ZNF718: variants seen among roughly 807,000 people sequenced by gnomAD.
The protein encoded by ZNF718 is zinc finger protein 718.
A neutral mutation model predicts 2.6 loss-of-function variants in ZNF718; 3 were observed. That is an observed-to-expected ratio of 1.16 (90% CI 0.53 to 3.01). The LOEUF (loss-of-function observed/expected upper bound fraction) is 3.01. Ranked by LOEUF, ZNF718 falls within the 30% of genes most tolerant of loss-of-function variation. The pLI is 0.03. For synonymous variants in ZNF718, 135 were observed against 77.9 expected (o/e 1.73, Z -3.86); for missense variants, 468 against 230.0 (o/e 2.03, Z -6.69).
intron 3 of ZNF718, among the ~76,000 whole-genome samples, chr4:176,225 A>C (rs1032055730): frequency 1.3e-5 from 2 of 152,132 alleles, no homozygotes; most frequent in African/African-American, 4.8e-5. Flanking sequence ...TCAGGGTAAA[A>C]ATGGCCTACT....
At position 163,311 on chromosome 4, in the gene ZNF718, C is replaced by G. The variant is rs905992876; in HGVS notation, c.*1189C>G. On this transcript the variant is annotated 3_prime_UTR_variant, in exon 4 of 4. Transcript: ENST00000510175. Reference sequence around the variant, plus strand: ...TCACGCCATTCTCCTGCCTCAGCCTCCCAAGTAGCTGGGACTACAGGCGCC... The same window carrying G: ...TCACGCCATTCTCCTGCCTCAGCCTGCCAAGTAGCTGGGACTACAGGCGCC... 6.6e-6 allele frequency: 1 copy of G among 151,848 alleles called. No homozygotes were observed. Among genetic ancestry groups the G allele is most frequent in the African/African-American group, 2.4e-5 (1 of 41,400 alleles). The allele number at this position is 151,848 out of a possible 1,614,324, so 9.4% of individuals were successfully genotyped here.
chr4:195,762 GCTGT>G (rs1470244832), intron 3 of ZNF718, among the ~76,000 whole-genome samples: 1 of 152,244 alleles, frequency 6.6e-6, no homozygotes, highest in African/African-American at 2.4e-5. Context: ...AAGTCTACGG[GCTGT>G]CAGTGGTCTC....
intron 3 of ZNF718, among the ~76,000 whole-genome samples, chr4:153,603 G>C (rs1475951471): frequency 6.6e-6 from 1 of 151,894 alleles, no homozygotes; most frequent in South Asian, 2.1e-4. Flanking sequence ...AGTGTAGAGT[G>C]TTCAGCTTTT....
At chr4:159,701 G>T (rs1329375991) in intron 3 of ZNF718, among the ~76,000 whole-genome samples, 2 of 151,772 alleles carry the variant, frequency 1.3e-5, no homozygotes, top group Non-Finnish European at 2.9e-5. Context: ...TTTATAAATT[G>T]TATATGTTTC....
intron 3 of ZNF718, among the ~76,000 whole-genome samples, chr4:160,025 T>C (rs1275456699): frequency 6.6e-6 from 1 of 152,220 alleles, no homozygotes; most frequent in Non-Finnish European, 1.5e-5. Context: ...AGTTTGTTCA[T>C]GTTTCTTCTT....
In ZNF718 at chr4:127,878, C is replaced by G. The variant is rs1715273547; in HGVS notation, c.4-2910C>G. Among the ~76,000 whole-genome samples the G allele has an allele frequency of 5.7e-5, 6 of 105,192 alleles. 3 individuals are homozygous for G. In the South Asian group the frequency reaches 1.7e-3, roughly 31 times the overall value. 69.0% of individuals were successfully genotyped at this position (105,192 alleles called of 152,430 possible). On this transcript the variant is annotated intron_variant, in intron 1 of 3. Coordinates refer to ENST00000510175, the MANE Select transcript of ZNF718 (RefSeq NM_001039127.6). ...ATAAGAATTCCTGACAACTTTCTAT[C>G]CTGCCTTCCTTTTTGCCTTTACAAA...
intron 3 of ZNF718, among the ~76,000 whole-genome samples, chr4:158,589 G>C (rs1169267639): frequency 2.0e-5 from 3 of 151,536 alleles, no homozygotes; most frequent in African/African-American, 7.3e-5. Flanking sequence ...TTTTAAACTG[G>C]TAAGAACTTA....
In ZNF718 at chr4:155,971, C is replaced by T. The variant is rs1234887673; in HGVS notation, c.227-4941C>T. ...ATACTGTTTTTACAGTAGTGAATGA[C>T]TCATGAGACCTGATGGTTTTTATAA... On this transcript the variant is annotated intron_variant, in intron 3 of 3. Coordinates refer to ENST00000510175, the MANE Select transcript of ZNF718 (RefSeq NM_001039127.6). 2.6e-5 allele frequency among the ~76,000 whole-genome samples: 4 copies of T among 152,110 alleles called. 1 individual carries two copies. Among genetic ancestry groups the T allele is most frequent in the Non-Finnish European group, 5.9e-5 (4 of 68,014 alleles).
chr4:157,238 C>CA (rs1560119767), intron 3 of ZNF718, among the ~76,000 whole-genome samples: 1 of 150,756 alleles, frequency 6.6e-6, no homozygotes, highest in Non-Finnish European at 1.5e-5. Flanking sequence ...TCAGCCTCCT[C>CA]AGTAGCTGGG....
chr4:192,046 G>A (rs1717702949), intron 3 of ZNF718, among the ~76,000 whole-genome samples: 1 of 152,202 alleles, frequency 6.6e-6, no homozygotes, highest in Admixed American at 6.5e-5. Context: ...TGAGCCTCTA[G>A]CACAGTCAGG....
chr4:181,421 T>G (rs1186134410), intron 3 of ZNF718, among the ~76,000 whole-genome samples: 2 of 152,028 alleles, frequency 1.3e-5, no homozygotes, highest in African/African-American at 4.8e-5. Context: ...TAATTTTAAC[T>G]TTTAAAATTA....
rs1191750190 is a variant in ZNF718, at chr4:163,267, G to T, written c.*1145G>T. 2.0e-5 allele frequency: 3 copies of T among 151,414 alleles called. No individual in the cohort carries two copies. The highest frequency in any genetic ancestry group is 4.9e-5 in the African/African-American group (2 of 41,202). 9.4% of individuals were successfully genotyped at this position (151,414 alleles called of 1,614,324 possible). A position where few individuals can be genotyped will look rare whatever the true frequency, so the allele number is the denominator to read the frequency against. ...GTGGCGGGATCTCGGCTCACTGCAA[G>T]CTCTGCCTCCCCCTGGGTTCACGCC... On this transcript the variant is annotated 3_prime_UTR_variant, in exon 4 of 4. Coordinates refer to ENST00000510175, the MANE Select transcript of ZNF718 (RefSeq NM_001039127.6).
At chr4:176,636 A>G (rs1422656233) in intron 3 of ZNF718, among the ~76,000 whole-genome samples, 2 of 152,050 alleles carry the variant, frequency 1.3e-5, no homozygotes, top group Non-Finnish European at 2.9e-5. Flanking sequence ...AAATGATGCC[A>G]CTGAATTCTA....
At chr4:152,683 A>G (rs1242605797) in intron 3 of ZNF718, among the ~76,000 whole-genome samples, 1 of 152,076 alleles carries the variant, frequency 6.6e-6, no homozygotes, top group African/African-American at 2.4e-5. Context: ...CACAGTAACA[A>G]TCTGATCTCT....
At chr4:199,162 A>G (rs1178155211) in intron 3 of ZNF718, among the ~76,000 whole-genome samples, 2 of 152,124 alleles carry the variant, frequency 1.3e-5, no homozygotes, top group Admixed American at 6.5e-5. Context: ...CAAGTTACCT[A>G]CTGTGCTTCA....
At chr4:138,018 A>G (rs1355294589) in intron 3 of ZNF718, among the ~76,000 whole-genome samples, 1 of 152,200 alleles carries the variant, frequency 6.6e-6, no homozygotes, top group Non-Finnish European at 1.5e-5. Flanking sequence ...TTATGAGTAC[A>G]CAGTAGCTTT....
intron 3 of ZNF718, among the ~76,000 whole-genome samples, chr4:146,833 C>T (rs1716088946): frequency 6.6e-6 from 1 of 151,520 alleles, no homozygotes; most frequent in African/African-American, 2.4e-5. Flanking sequence ...TTCAGTTCTA[C>T]TATTTTTACT....
intron 3 of ZNF718, among the ~76,000 whole-genome samples, chr4:170,038 G>T (rs544030001): frequency 6.6e-5 from 10 of 152,170 alleles, no homozygotes; most frequent in African/African-American, 2.2e-4. Flanking sequence ...TTTAGGGCAG[G>T]CCTGGTGGTG....
chr4:124,635 G>A lies in ZNF718; in HGVS notation c.-36G>A. The A allele has an allele frequency of 6.2e-7, 1 of 1,605,996 alleles. No individual in the cohort carries two copies. The highest frequency in any genetic ancestry group is 8.5e-7 in the Non-Finnish European group (1 of 1,179,346). Reference sequence around the variant, plus strand: ...GTGACCTGCCGGTATTGGATGATTCGTATCTAAGACTCTGGGACACTCCTG... The same window carrying A: ...GTGACCTGCCGGTATTGGATGATTCATATCTAAGACTCTGGGACACTCCTG... On this transcript the variant is annotated 5_prime_UTR_variant, in exon 1 of 4. Coordinates refer to ENST00000510175, the MANE Select transcript of ZNF718 (RefSeq NM_001039127.6).
Sources: allele counts gnomAD v4.1 joint callset (sites outside exome capture counted in the v4.1 genomes callset), GRCh38; gene constraint gnomAD v4.1.1; transcripts MANE v1.5; gene names NCBI Gene and HGNC (gene_info 2026-07-23, HGNC 2026-07-21).